The following BLTP1 variants were observed in gnomAD, a reference collection of about 807,000 sequenced individuals.
The protein encoded by BLTP1 is bridge-like lipid transfer protein family member 1.
the BLTP1 span, chr4:122,254,120 T>C: frequency 7.1e-7 from 1 of 1,409,618 alleles, no homozygotes; most frequent in Non-Finnish European, 9.7e-7. Context: ...GTTTTGCACT[T>C]AAAACATTAG....
the BLTP1 span, chr4:122,273,281 A>G: frequency 1.0e-6 from 1 of 980,734 alleles, no homozygotes; most frequent in Non-Finnish European, 1.2e-6. Context: ...TGTACCCTAA[A>G]CATTTATTAT....
the BLTP1 span, among the ~76,000 whole-genome samples, chr4:122,248,381 C>T: frequency 9.9e-5 from 15 of 152,076 alleles, no homozygotes; most frequent in South Asian, 1.9e-3. Flanking sequence ...AAACTCCCAA[C>T]GAAATTCCAA....
chr4:122,342,421 T>C, the BLTP1 span, among the ~76,000 whole-genome samples: 2 of 152,106 alleles, frequency 1.3e-5, no homozygotes, highest in Non-Finnish European at 2.9e-5. Flanking sequence ...AGTGGCGCCA[T>C]CTCAGCTCAC....
the BLTP1 span, chr4:122,316,917 G>C: frequency 1.6e-6 from 2 of 1,243,900 alleles, no homozygotes; most frequent in Non-Finnish European, 2.2e-6. Context: ...AGAATCATAA[G>C]ATGTTAAAAG....
the BLTP1 span, chr4:122,175,997 C>G: frequency 1.3e-6 from 1 of 768,160 alleles, no homozygotes; most frequent in Non-Finnish European, 2.2e-6. Context: ...TAGATATGAC[C>G]AGTTAGAAAA....
At chr4:122,156,292 G>GAAATGT in the BLTP1 span, among the ~76,000 whole-genome samples, 1 of 152,184 alleles carries the variant, frequency 6.6e-6, no homozygotes, top group African/African-American at 2.4e-5. Context: ...GATCACTCAG[G>GAAATGT]AAAATGTAGA....
chr4:122,287,316 C>T, the BLTP1 span, among the ~76,000 whole-genome samples: 1 of 152,146 alleles, frequency 6.6e-6, no homozygotes, highest in Admixed American at 6.5e-5. Flanking sequence ...ATATCTAATT[C>T]CATCATAATT....
chr4:122,244,149 G>A, the BLTP1 span: 6 of 1,047,486 alleles, frequency 5.7e-6, no homozygotes, highest in Non-Finnish European at 7.8e-6. Flanking sequence ...TGTGATATAT[G>A]TTCATATAGA....
chr4:122,276,810 T>G, the BLTP1 span: 2 of 975,686 alleles, frequency 2.0e-6, no homozygotes, highest in Non-Finnish European at 2.4e-6. Flanking sequence ...AGTAATTGGT[T>G]TTGAATTTTA....
the BLTP1 span, chr4:122,340,865 G>A: frequency 2.2e-6 from 2 of 909,068 alleles, no homozygotes; most frequent in Non-Finnish European, 2.6e-6. Context: ...ATGAAAATGA[G>A]AATATCCCTT....
At chr4:122,300,145 A>G in the BLTP1 span, among the ~76,000 whole-genome samples, 1 of 152,030 alleles carries the variant, frequency 6.6e-6, no homozygotes, top group Non-Finnish European at 1.5e-5. Flanking sequence ...AGTAGCTGGG[A>G]TTACAGGTGC....
chr4:122,326,123 C>T, the BLTP1 span, among the ~76,000 whole-genome samples: 1 of 151,458 alleles, frequency 6.6e-6, no homozygotes, highest in South Asian at 2.1e-4. Context: ...CTATTAAAGA[C>T]TAAATCAGCT....
At chr4:122,229,978 T>C in the BLTP1 span, 1 of 1,614,090 alleles carries the variant, frequency 6.2e-7, no homozygotes, top group Admixed American at 1.7e-5. Flanking sequence ...ATCAATCGGT[T>C]GGGGAAGGAA....
the BLTP1 span, chr4:122,234,707 A>C: frequency 6.7e-7 from 1 of 1,492,028 alleles, no homozygotes; most frequent in Non-Finnish European, 9.0e-7. Context: ...TCTATCAAAA[A>C]GTTTTTCATT....
chr4:122,349,234 G>A, the BLTP1 span: 2 of 1,613,470 alleles, frequency 1.2e-6, no homozygotes, highest in Admixed American at 1.7e-5. The surrounding 1 kb of genome is among the most constrained non-coding windows in gnomAD (Gnocchi z 4.5). Flanking sequence ...CAGCATGTCT[G>A]TTGGTCTGGG....
the BLTP1 span, among the ~76,000 whole-genome samples, chr4:122,294,714 AGATGACT>A: frequency 6.6e-6 from 1 of 152,252 alleles, no homozygotes; most frequent in Non-Finnish European, 1.5e-5. Flanking sequence ...GTTCTCTCCC[AGATGACT>A]GCAACACCTC....
At chr4:122,203,643 A>C in the BLTP1 span, 1 of 156,024 alleles carries the variant, frequency 6.4e-6, no homozygotes, top group Admixed American at 6.6e-5. Context: ...GTTTAATAAC[A>C]ATGCATATTA....
At chr4:122,152,499 G>T in the BLTP1 span, 1 of 985,796 alleles carries the variant, frequency 1.0e-6, no homozygotes, top group Non-Finnish European at 1.2e-6. Flanking sequence ...TGCTGCTGCC[G>T]TCGCCGCCCC....
At chr4:122,232,950 T>C in the BLTP1 span, among the ~76,000 whole-genome samples, 1 of 152,216 alleles carries the variant, frequency 6.6e-6, no homozygotes, top group African/African-American at 2.4e-5. Flanking sequence ...CCAGGAGTTT[T>C]AGAGAAATGT....
Sources: gnomAD v4.1 joint callset for allele counts (sites outside exome capture counted in the v4.1 genomes callset) on GRCh38, gnomAD v4.1.1 for gene constraint, Gnocchi (gnomAD v3.1) non-coding constraint, MANE v1.5 for transcripts, NCBI Gene and HGNC (gene_info 2026-07-23, HGNC 2026-07-21) for gene names.